RPS6KA2: variants seen among roughly 807,000 people sequenced by gnomAD.
RPS6KA2 encodes ribosomal protein S6 kinase A2.
In RPS6KA2, 42 loss-of-function variants were observed where a neutral mutation model predicts 91.8. The ratio of observed to expected loss-of-function variants is 0.46; its 90% CI spans 0.36 to 0.59. The LOEUF (loss-of-function observed/expected upper bound fraction) is 0.59, where lower values mean the gene tolerates loss of function less well. RPS6KA2 is among the 20% of genes least tolerant of loss of function. The pLI is 0.00. For synonymous variants in RPS6KA2, 414 were observed against 393.6 expected (o/e 1.05, Z -0.61); for missense variants, 798 against 978.5 (o/e 0.82, Z 2.46).
At chr6:166,532,058 C>T (rs1783296929) in intron 2 of RPS6KA2, among the ~76,000 whole-genome samples, 1 of 152,196 alleles carries the variant, frequency 6.6e-6, no homozygotes, top group African/African-American at 2.4e-5. Flanking sequence ...CAAATATCTG[C>T]TTGCATGATG....
chr6:166,438,403 C>T (rs537061589), intron 14 of RPS6KA2, among the ~76,000 whole-genome samples: 21 of 152,364 alleles, frequency 1.4e-4, no homozygotes, highest in African/African-American at 4.8e-4. Flanking sequence ...TCCAGGCCTG[C>T]GTGGTCACGC....
chr6:166,787,697 G>A (rs768372961), intron 2 of RPS6KA2, among the ~76,000 whole-genome samples: 4 of 152,072 alleles, frequency 2.6e-5, no homozygotes, highest in Non-Finnish European at 5.9e-5. Context: ...AGACTTAGAT[G>A]TAAAACCCAA....
rs1259946915 is a variant in RPS6KA2 at position 166,418,847 on chromosome 6, T to A, written c.1821-505A>T. ...CATATTCCAAGCGCGTGGGAGGTGT[T>A]CATGGTGTCCCACCTTAAAACACAC... On this transcript the variant is annotated intron_variant, in intron 18 of 20. Transcript: ENST00000265678. This position sits in a 1 kb window ranked among gnomAD's most constrained non-coding sequence, Gnocchi z 4.9. 6.6e-6 allele frequency among the ~76,000 whole-genome samples: 1 copy of A among 152,246 alleles called. No homozygotes were observed.
At chr6:166,461,601 G>T (rs914010123) in intron 11 of RPS6KA2, among the ~76,000 whole-genome samples, 17 of 146,776 alleles carry the variant, frequency 1.2e-4, no homozygotes, top group African/African-American at 4.3e-4. Flanking sequence ...GGGAGGGGAA[G>T]GGGGTAAGAA....
chr6:166,632,619 A>C (rs1787113883), intron 2 of RPS6KA2, among the ~76,000 whole-genome samples: 1 of 151,944 alleles, frequency 6.6e-6, no homozygotes, highest in Non-Finnish European at 1.5e-5. Flanking sequence ...CTCAAAAAAA[A>C]AAAAAAAATT....
intron 6 of RPS6KA2, 78 bp downstream of exon 6, chr6:166,504,428 G>A (rs983038471): frequency 2.4e-6 from 2 of 832,468 alleles, no homozygotes; most frequent in African/African-American, 1.7e-5. Context: ...ATATCTAGCA[G>A]TGGCTACCAA....
chr6:166,619,044 A>G (rs915750844), intron 1 of RPS6KA2, among the ~76,000 whole-genome samples: 1 of 152,118 alleles, frequency 6.6e-6, no homozygotes, highest in Non-Finnish European at 1.5e-5. Context: ...ATGGGCTCCC[A>G]TCGATGCCAT....
chr6:166,827,256 C>CAAAAAAAAAAAAAAAAAAA (rs56296433), intron 2 of RPS6KA2, among the ~76,000 whole-genome samples: 1 of 94,498 alleles, frequency 1.1e-5, no homozygotes, highest in Non-Finnish European at 2.0e-5. Context: ...CAACCTTATA[C>CAAAAAAAAAAAAAAAAAAA]AAAAAAAAAA....
chr6:166,783,353 AG>A (rs1298539649), intron 2 of RPS6KA2, among the ~76,000 whole-genome samples: 6 of 152,174 alleles, frequency 3.9e-5, no homozygotes, highest in South Asian at 2.1e-4. Flanking sequence ...GCTACCCTGA[AG>A]AGGAAGGAAC....
Position 166,500,809 on chromosome 6 carries a change from G to T in RPS6KA2, c.604+78C>A. On this transcript the variant is annotated intron_variant, in intron 7 of 20. Coordinates refer to ENST00000265678, the MANE Select transcript of RPS6KA2 (RefSeq NM_021135.6). The surrounding 1 kb of genome is among the most constrained non-coding windows in gnomAD (Gnocchi z 4.3). ...AGGGAAGGGCGGTGTAAATAAGAGG[G>T]CTTGGGCTTTGAGGTGGTCCCCAAA... The T allele has an allele frequency of 7.5e-7, 1 of 1,337,716 alleles. No individual in the cohort carries two copies. Among genetic ancestry groups the T allele is most frequent in the Non-Finnish European group, 1.1e-6 (1 of 930,594 alleles). 82.9% of individuals were successfully genotyped at this position (1,337,716 alleles called of 1,614,324 possible).
At chr6:166,480,480 TA>T (rs1781160467) in intron 10 of RPS6KA2, among the ~76,000 whole-genome samples, 3 of 1,772 alleles carry the variant, frequency 1.7e-3, no homozygotes, top group East Asian at 0.028. Context: ...ATTGTGATTT[TA>T]TATATATATA....
At chr6:166,719,239 G>T (rs1382978677) in intron 2 of RPS6KA2, among the ~76,000 whole-genome samples, 1 of 152,128 alleles carries the variant, frequency 6.6e-6, no homozygotes. Flanking sequence ...TCTCAGGTTG[G>T]GAACATAATG....
Position 166,640,392 on chromosome 6 carries a change from A to C in RPS6KA2, c.124-101608T>G, listed in dbSNP as rs77970283. 5.2e-4 allele frequency among the ~76,000 whole-genome samples: 79 copies of C among 152,354 alleles called. No individual in the cohort carries two copies. The Middle Eastern group carries it at 0.017, about 33-fold the overall frequency. On this transcript the variant is annotated intron_variant, in intron 2 of 21. Coordinates refer to the RPS6KA2 transcript ENST00000503859. ...CTCTACTAGAGATGAGAACTTGATG[A>C]ACACGTAAAAGCCAGACAGGGGGAG...
chr6:166,441,623 G>A (rs1056642131), intron 14 of RPS6KA2, among the ~76,000 whole-genome samples: 1 of 152,220 alleles, frequency 6.6e-6, no homozygotes, highest in African/African-American at 2.4e-5. Context: ...TTGAACACAA[G>A]CTCCCCTGAG....
chr6:166,534,535 G>A (rs537639900), intron 2 of RPS6KA2, among the ~76,000 whole-genome samples: 1 of 152,334 alleles, frequency 6.6e-6, no homozygotes, highest in East Asian at 1.9e-4. Flanking sequence ...TCAAAGAGCA[G>A]AGGAAGCCCC....
At chr6:166,793,179 A>C (rs1779139592) in intron 2 of RPS6KA2, among the ~76,000 whole-genome samples, 1 of 152,190 alleles carries the variant, frequency 6.6e-6, no homozygotes, top group South Asian at 2.1e-4. Flanking sequence ...ATCAATGTAC[A>C]AAAATCACAA....
chr6:166,771,228 G>A (rs1489252220), intron 2 of RPS6KA2, among the ~76,000 whole-genome samples: 1 of 152,170 alleles, frequency 6.6e-6, no homozygotes, highest in East Asian at 1.9e-4. Context: ...AGCTCCATAT[G>A]CACAGCATTT....
intron 2 of RPS6KA2, among the ~76,000 whole-genome samples, chr6:166,751,209 CA>C (rs1791272207): frequency 6.6e-6 from 1 of 152,222 alleles, no homozygotes; most frequent in Non-Finnish European, 1.5e-5. Flanking sequence ...CCTGAAACCT[CA>C]AAAAGCCTGC....
At chr6:166,705,146 A>T (rs1789642997) in intron 2 of RPS6KA2, among the ~76,000 whole-genome samples, 1 of 152,224 alleles carries the variant, frequency 6.6e-6, no homozygotes, top group African/African-American at 2.4e-5. Flanking sequence ...AACATGTGAG[A>T]ATCAACATGT....
Sources: gnomAD v4.1 joint callset for allele counts (sites outside exome capture counted in the v4.1 genomes callset) on GRCh38, gnomAD v4.1.1 for gene constraint, Gnocchi (gnomAD v3.1) non-coding constraint, MANE v1.5 for transcripts, NCBI Gene and HGNC (gene_info 2026-07-23, HGNC 2026-07-21) for gene names.